Variants in SLC35E3 observed in about 807,000 individuals in gnomAD.
SLC35E3 encodes the protein solute carrier family 35 member E3.
SLC35E3 carries 28 observed loss-of-function variants against 30.8 expected under a neutral mutation model. The ratio of observed to expected loss-of-function variants is 0.91; its 90% CI spans 0.67 to 1.25. The LOEUF is 1.25. Among genes scored for constraint, SLC35E3 ranks in the 50% most tolerant of loss-of-function variants. The pLI, the probability that SLC35E3 is intolerant of heterozygous loss-of-function variation, is 0.00. For missense variants in SLC35E3, 365 were observed against 375.4 expected (o/e 0.97, Z 0.23); for synonymous variants, 146 against 149.2 (o/e 0.98, Z 0.16).
rs1345775463 is a variant in SLC35E3, at chr12:68,770,855, A to G, written c.*5965A>G. ...TCTCAACAACAACAAAAAATCACACATGTCTGATTTGCGCAGCTTGATAGA... is the reference window on the plus strand; with the variant it reads ...TCTCAACAACAACAAAAAATCACACGTGTCTGATTTGCGCAGCTTGATAGA... On this transcript the variant is annotated 3_prime_UTR_variant, in exon 5 of 5. Transcript: ENST00000398004. 1 of 157,938 alleles carries G rather than the reference A, an allele frequency of 6.3e-6. No individual in the cohort carries two copies. The highest frequency in any genetic ancestry group is 1.9e-4 in the East Asian group (1 of 5,350). The allele number at this position is 157,938 out of a possible 1,614,324, so 9.8% of individuals were successfully genotyped here.
At chr12:68,759,788 G>C (rs1879178068) in intron 4 of SLC35E3, among the ~76,000 whole-genome samples, 1 of 152,042 alleles carries the variant, frequency 6.6e-6, no homozygotes, top group Non-Finnish European at 1.5e-5. Flanking sequence ...TATGTAATAG[G>C]TGACCTTTTC....
chr12:68,757,688 G>A (rs1879073568), intron 3 of SLC35E3, among the ~76,000 whole-genome samples: 1 of 152,212 alleles, frequency 6.6e-6, no homozygotes, highest in Non-Finnish European at 1.5e-5. Context: ...ATGTCCTCAA[G>A]TAGTTTCTAA....
At position 68,766,793 on chromosome 12, in the gene SLC35E3, C is replaced by T. The variant is rs756740650; in HGVS notation, c.*1903C>T. ...AGAGACAGAGTTTTGCCATGTTGCT[C>T]AGGCTGATCTCAAACTCTTGAGCTC... On this transcript the variant is annotated 3_prime_UTR_variant, in exon 5 of 5. Coordinates refer to ENST00000398004, the MANE Select transcript of SLC35E3 (RefSeq NM_018656.5). The T allele has an allele frequency of 4.4e-6, 2 of 450,522 alleles. No homozygotes were observed. The highest frequency in any genetic ancestry group is 2.4e-5 in the Admixed American group (1 of 41,548). The allele number at this position is 450,522 out of a possible 1,614,324, so 27.9% of individuals were successfully genotyped here. A position where few individuals can be genotyped will look rare whatever the true frequency, so the allele number is the denominator to read the frequency against.
intron 3 of SLC35E3, among the ~76,000 whole-genome samples, chr12:68,757,908 T>G (rs1487713453): frequency 6.7e-6 from 1 of 150,336 alleles, no homozygotes; most frequent in East Asian, 2.0e-4. Flanking sequence ...GCCAACATGG[T>G]GAAACCCCAT....
At position 68,776,994 on chromosome 12, in the gene SLC35E3, CT is replaced by C. The variant is rs1035574028; in HGVS notation, c.*12105del. ...CCCCATCCCTAGTCACCCCTCATTC[CT>C]AGTAGTACCCCCAGTTCTGCTTCAA... On this transcript the variant is annotated 3_prime_UTR_variant, in exon 5 of 5. Coordinates refer to ENST00000398004, the MANE Select transcript of SLC35E3 (RefSeq NM_018656.5). 1 of 152,202 alleles carries C rather than the reference CT, an allele frequency of 6.6e-6. No individual in the cohort carries two copies. The highest frequency in any genetic ancestry group is 2.4e-5 in the African/African-American group (1 of 41,444). The allele number at this position is 152,202 out of a possible 1,614,324, so 9.4% of individuals were successfully genotyped here.
In SLC35E3 at chr12:68,772,958, G is replaced by A. The variant is rs1050137046; in HGVS notation, c.*8068G>A. The A allele has an allele frequency of 6.6e-6, 1 of 152,366 alleles. No homozygotes were observed. Among genetic ancestry groups the A allele is most frequent in the Admixed American group, 6.6e-5 (1 of 15,262 alleles). The allele number at this position is 152,366 out of a possible 1,614,324, so 9.4% of individuals were successfully genotyped here. Reference sequence around the variant, plus strand: ...GCAGGTCAAGGGGGTGGGTAAGGAAGATGGGACGTTCAAGCAGAAACAAAA... The same window carrying A: ...GCAGGTCAAGGGGGTGGGTAAGGAAAATGGGACGTTCAAGCAGAAACAAAA... On this transcript the variant is annotated 3_prime_UTR_variant, in exon 5 of 5. Coordinates refer to ENST00000398004, the MANE Select transcript of SLC35E3 (RefSeq NM_018656.5).
intron 3 of SLC35E3, among the ~76,000 whole-genome samples, chr12:68,755,923 A>T (rs59891877): frequency 0.05 from 7,620 of 152,194 alleles, 640 homozygotes; most frequent in African/African-American, 0.17. Flanking sequence ...TACCATTGTT[A>T]TTATTTTTAC....
rs1294506026 is a variant in SLC35E3 at position 68,752,524 on chromosome 12, A to G, written c.672+334A>G. Among the ~76,000 whole-genome samples, 3 of 152,238 alleles carry G rather than the reference A, an allele frequency of 2.0e-5. No individual in the cohort carries two copies. The East Asian group carries it at 5.8e-4, about 29-fold the overall frequency. ...GATTAAGTTAAATTTTTTTACAATG[A>G]AAACATAGCTTTATAATCACTATTT... On this transcript the variant is annotated intron_variant, in intron 3 of 4. Transcript: ENST00000398004.
At position 68,769,756 on chromosome 12, in the gene SLC35E3, T is replaced by A. The variant is rs1879553769; in HGVS notation, c.*4866T>A. ...TTAAACTGGATTATACCTGCTAATATCAGGAATATAATGATAATTGCATTC... is the reference window on the plus strand; with the variant it reads ...TTAAACTGGATTATACCTGCTAATAACAGGAATATAATGATAATTGCATTC... On this transcript the variant is annotated 3_prime_UTR_variant, in exon 5 of 5. Transcript: ENST00000398004. 6.6e-6 allele frequency: 1 copy of A among 152,226 alleles called. No homozygotes were observed. The highest frequency in any genetic ancestry group is 2.1e-4 in the South Asian group (1 of 4,834). 9.4% of individuals were successfully genotyped at this position (152,226 alleles called of 1,614,324 possible). A position where few individuals can be genotyped will look rare whatever the true frequency, so the allele number is the denominator to read the frequency against.
At chr12:68,764,616 T>C in intron 4 of SLC35E3, 88 bp from the exon 5 acceptor site, 1 of 1,267,624 alleles carries the variant, frequency 7.9e-7, no homozygotes, top group Non-Finnish European at 1.1e-6. Context: ...GATGGGCTGC[T>C]TTTGGGTTGT....
intron 2 of SLC35E3, among the ~76,000 whole-genome samples, chr12:68,751,177 C>A (rs772323083): frequency 6.6e-6 from 1 of 152,042 alleles, no homozygotes; most frequent in African/African-American, 2.4e-5. Context: ...TCTCTTCTAC[C>A]ATTGATTGGG....
In SLC35E3 at chr12:68,780,935, T is replaced by G. The variant is rs192446412; in HGVS notation, c.*16045T>G. ...TCAGTCTATGACAAGGAGGTCTGTT[T>G]CCTCCAACGCCTGCCTTTTAGACAG... On this transcript the variant is annotated 3_prime_UTR_variant, in exon 5 of 5. Coordinates refer to ENST00000398004, the MANE Select transcript of SLC35E3 (RefSeq NM_018656.5). 4 of 152,200 alleles carry G rather than the reference T, an allele frequency of 2.6e-5. No individual in the cohort carries two copies. The highest frequency in any genetic ancestry group is 2.0e-4 in the Admixed American group (3 of 15,260). 9.4% of individuals were successfully genotyped at this position (152,200 alleles called of 1,614,324 possible). A position where few individuals can be genotyped will look rare whatever the true frequency, so the allele number is the denominator to read the frequency against.
In SLC35E3 at chr12:68,767,007, C is replaced by CA. The variant is rs1879447340; in HGVS notation, c.*2119dup. ...CTGCAAACTTGGAGTGAACTACATC[C>CA]AACCTTTCTAAGGTGGCTGGGGAAA... On this transcript the variant is annotated 3_prime_UTR_variant, in exon 5 of 5. Coordinates refer to ENST00000398004, the MANE Select transcript of SLC35E3 (RefSeq NM_018656.5). 1 of 186,698 alleles carries CA rather than the reference C, an allele frequency of 5.4e-6. No homozygotes were observed. The highest frequency in any genetic ancestry group is 2.4e-5 in the African/African-American group (1 of 42,074). The allele number at this position is 186,698 out of a possible 1,614,324, so 11.6% of individuals were successfully genotyped here.
rs577210707 is a variant in SLC35E3, at chr12:68,766,624, G to A, written c.*1734G>A. ...TTTTCTTATTTTTTGTCTTACAGTC[G>A]ACCAGGCTGGAATGCAGTGGCACAA... On this transcript the variant is annotated 3_prime_UTR_variant, in exon 5 of 5. Coordinates refer to ENST00000398004, the MANE Select transcript of SLC35E3 (RefSeq NM_018656.5). 159 of 238,484 alleles carry A rather than the reference G, an allele frequency of 6.7e-4. No individual in the cohort carries two copies. Among genetic ancestry groups the A allele is most frequent in the African/African-American group, 3.4e-3 (147 of 43,070 alleles). The allele number at this position is 238,484 out of a possible 1,614,324, so 14.8% of individuals were successfully genotyped here.
Position 68,781,161 on chromosome 12 carries a change from A to G in SLC35E3, c.*16271A>G, listed in dbSNP as rs761097185. The G allele has an allele frequency of 6.9e-6, 1 of 145,448 alleles. No individual in the cohort carries two copies. Among genetic ancestry groups the G allele is most frequent in the Non-Finnish European group, 1.5e-5 (1 of 68,002 alleles). The allele number at this position is 145,448 out of a possible 1,614,324, so 9.0% of individuals were successfully genotyped here. A position where few individuals can be genotyped will look rare whatever the true frequency, so the allele number is the denominator to read the frequency against. On this transcript the variant is annotated 3_prime_UTR_variant, in exon 5 of 5. Transcript: ENST00000398004. ...ATTTGTGATTGTAATATAAACTTAA[A>G]TCACTTTGGGAATGAATTTAAAAAA...
At chr12:68,760,350 T>C (rs11609067) in intron 4 of SLC35E3, among the ~76,000 whole-genome samples, 48,959 of 152,044 alleles carry the variant, frequency 0.32, 8,150 homozygotes, top group South Asian at 0.39. Flanking sequence ...ATTTGCCAAC[T>C]ATCAATAAAA....
chr12:68,746,898 T>C, intron 1 of SLC35E3, 119 bp downstream of exon 1: 2 of 1,123,032 alleles, frequency 1.8e-6, no homozygotes, highest in Non-Finnish European at 2.5e-6. Context: ...ATGAGTCATC[T>C]GTGGGCATGT....
intron 2 of SLC35E3, among the ~76,000 whole-genome samples, chr12:68,748,532 A>G (rs894450188): frequency 6.6e-6 from 1 of 151,952 alleles, no homozygotes; most frequent in Non-Finnish European, 1.5e-5. Flanking sequence ...TTACAATATT[A>G]TACTCTATAT....
intron 1 of SLC35E3, among the ~76,000 whole-genome samples, chr12:68,747,066 T>C (rs1319528881): frequency 1.3e-5 from 2 of 152,194 alleles, no homozygotes; most frequent in South Asian, 4.1e-4. Flanking sequence ...TCCAGTGTTA[T>C]CAGAATATCT....
Sources: allele counts gnomAD v4.1 joint callset (sites outside exome capture counted in the v4.1 genomes callset), GRCh38; gene constraint gnomAD v4.1.1; transcripts MANE v1.5; gene names NCBI Gene and HGNC (gene_info 2026-07-23, HGNC 2026-07-21).